Variants in STK3 observed in about 807,000 individuals in gnomAD.
STK3 encodes the protein serine/threonine-protein kinase 3.
STK3 carries 41 observed loss-of-function variants against 58.0 expected under a neutral mutation model. The ratio of observed to expected loss-of-function variants is 0.71; its 90% CI spans 0.55 to 0.92. The LOEUF is 0.92. Among genes scored for constraint, STK3 ranks in the 40% least tolerant of loss-of-function variants. The pLI, the probability that STK3 is intolerant of heterozygous loss-of-function variation, is 0.00. For synonymous variants in STK3, 170 were observed against 191.0 expected, an observed-to-expected ratio of 0.89 and a Z score of 0.91; for missense variants, 479 against 602.7, an observed-to-expected ratio of 0.79 and a Z score of 2.15.
At chr8:98,698,307 C>A (rs1046136752) in intron 6 of STK3, among the ~76,000 whole-genome samples, 78 of 151,864 alleles carry the variant, frequency 5.1e-4, no homozygotes, top group African/African-American at 1.7e-3. Context: ...TGGGTCTTGA[C>A]TCTTTATCCA....
intron 1 of STK3, among the ~76,000 whole-genome samples, chr8:98,939,437 T>C (rs940962003): frequency 3.3e-5 from 5 of 152,236 alleles, no homozygotes; most frequent in Non-Finnish European, 5.9e-5. Context: ...TTCCAGATGA[T>C]GCGAATGCTG....
the STK3 span, among the ~76,000 whole-genome samples, chr8:98,347,519 A>G: frequency 7.0e-6 from 1 of 142,128 alleles, no homozygotes; most frequent in East Asian, 1.9e-4. Context: ...CGTCTCAAAA[A>G]AAAACAAAAA....
chr8:98,858,706 A>G (rs1055028622), intron 3 of STK3, among the ~76,000 whole-genome samples: 9 of 151,924 alleles, frequency 5.9e-5, no homozygotes, highest in African/African-American at 1.2e-4. Flanking sequence ...ATCCTGGCCA[A>G]CATGGTGAAA....
At chr8:98,837,451 AC>A (rs1246399228) in intron 3 of STK3, among the ~76,000 whole-genome samples, 1 of 152,078 alleles carries the variant, frequency 6.6e-6, no homozygotes, top group African/African-American at 2.4e-5. Flanking sequence ...AGGAGAAAAA[AC>A]GTTTCCTTTA....
At chr8:98,870,179 CT>C (rs1564073316) in intron 3 of STK3, among the ~76,000 whole-genome samples, 1 of 152,102 alleles carries the variant, frequency 6.6e-6, no homozygotes, top group East Asian at 1.9e-4. Flanking sequence ...TGAACTCATC[CT>C]TTTTTATGGC....
intron 10 of STK3, among the ~76,000 whole-genome samples, chr8:98,481,615 C>T (rs1466505342): frequency 5.3e-5 from 8 of 151,718 alleles, no homozygotes; most frequent in African/African-American, 1.9e-4. Context: ...CTGAAAAAAT[C>T]ACCTACTGGG....
chr8:98,816,092 G>A (rs1183248491), intron 1 of STK3, among the ~76,000 whole-genome samples: 1 of 152,164 alleles, frequency 6.6e-6, no homozygotes, highest in East Asian at 1.9e-4. Flanking sequence ...GGAACATGTT[G>A]AACTGACCTA....
rs561765459 is a variant in STK3, at chr8:98,747,089, C to CAA, written c.351+2185_351+2186dup. Among the ~76,000 whole-genome samples the CAA allele has an allele frequency of 3.0e-3, 236 of 78,652 alleles. 1 individual carries two copies. The highest frequency in any genetic ancestry group is 0.015 in the Middle Eastern group (2 of 132). The allele number at this position is 78,652 out of a possible 152,430, so 51.6% of individuals were successfully genotyped here. ...TGAAGTAAAATAACAACATTTTCAC[C>CAA]AAAAAAAAAAAAAAAAAAGACATTA... On this transcript the variant is annotated intron_variant, in intron 4 of 10. Transcript: ENST00000419617.
At chr8:98,475,749 G>A (rs1821257907) in intron 10 of STK3, among the ~76,000 whole-genome samples, 1 of 152,154 alleles carries the variant, frequency 6.6e-6, no homozygotes, top group African/African-American at 2.4e-5. Context: ...GCCCCTATGA[G>A]CTAAAACTTT....
intron 1 of STK3, among the ~76,000 whole-genome samples, chr8:98,823,691 T>C (rs1247399157): frequency 6.6e-6 from 1 of 152,212 alleles, no homozygotes; most frequent in Non-Finnish European, 1.5e-5. Flanking sequence ...TATCTTTTGT[T>C]GTTTTTGTTT....
At chr8:98,686,434 T>C (rs1263471419) in intron 6 of STK3, among the ~76,000 whole-genome samples, 2 of 152,194 alleles carry the variant, frequency 1.3e-5, no homozygotes. Flanking sequence ...AAATTTAGTA[T>C]TGACGAAAAC....
chr8:98,757,355 A>G (rs375182068), intron 3 of STK3, among the ~76,000 whole-genome samples: 188 of 148,728 alleles, frequency 1.3e-3, no homozygotes, highest in African/African-American at 4.3e-3. Flanking sequence ...TAATTTTTGT[A>G]TTTAGTAGAG....
At chr8:98,939,861 G>A (rs538555684) in intron 1 of STK3, among the ~76,000 whole-genome samples, 2 of 152,366 alleles carry the variant, frequency 1.3e-5, no homozygotes, top group South Asian at 2.1e-4. Context: ...TCCCAGAGGG[G>A]CCCGGTGCGG....
chr8:98,815,083 G>A (rs1409936591), intron 1 of STK3, among the ~76,000 whole-genome samples: 2 of 152,162 alleles, frequency 1.3e-5, no homozygotes, highest in Non-Finnish European at 2.9e-5. Context: ...ATTTAGTGGT[G>A]AGAAAAAAGT....
intron 1 of STK3, among the ~76,000 whole-genome samples, chr8:98,785,548 T>C (rs1832407055): frequency 6.6e-6 from 1 of 152,080 alleles, no homozygotes; most frequent in African/African-American, 2.4e-5. Context: ...TGCATATCTT[T>C]CCCTCTGCCC....
At chr8:98,560,924 T>A (rs1394350890) in intron 8 of STK3, among the ~76,000 whole-genome samples, 2 of 152,040 alleles carry the variant, frequency 1.3e-5, no homozygotes, top group Admixed American at 1.3e-4. Context: ...TCCCAGCTAC[T>A]TGGGAGGCTG....
At chr8:98,622,491 A>G (rs1818408224) in intron 6 of STK3, among the ~76,000 whole-genome samples, 1 of 152,222 alleles carries the variant, frequency 6.6e-6, no homozygotes, top group Non-Finnish European at 1.5e-5. Flanking sequence ...ATGATATAGC[A>G]CAACTGAAGT....
chr8:98,437,731 A>G (rs1323706700), intron 1 of STK3: 2 of 152,228 alleles, frequency 1.3e-5, no homozygotes, highest in Non-Finnish European at 2.9e-5. Flanking sequence ...AGGTCTGCCC[A>G]GGGTTGACTC....
At chr8:98,403,208 C>T (rs1231210060) in intron 3 of STK3, among the ~76,000 whole-genome samples, 2 of 152,326 alleles carry the variant, frequency 1.3e-5, no homozygotes, top group East Asian at 1.9e-4. Context: ...TCAGGGTAGG[C>T]GTTTAGAAGT....
Sources: allele counts gnomAD v4.1 joint callset (sites outside exome capture counted in the v4.1 genomes callset), GRCh38; gene constraint gnomAD v4.1.1; transcripts MANE v1.5; gene names NCBI Gene and HGNC (gene_info 2026-07-23, HGNC 2026-07-21).